The following C10orf90 variants were observed in gnomAD, a reference collection of about 807,000 sequenced individuals.
The protein encoded by C10orf90 is (E2-independent) E3 ubiquitin-conjugating enzyme FATS.
A neutral mutation model predicts 62.5 loss-of-function variants in C10orf90; 56 were observed. That is an observed-to-expected ratio of 0.90 (90% CI 0.72 to 1.12). The LOEUF (loss-of-function observed/expected upper bound fraction) is 1.12. Among genes scored for constraint, C10orf90 ranks in the 50% most tolerant of loss-of-function variants. The probability of loss-of-function intolerance (pLI) is 0.00; values close to 1 mark genes in which losing one functional copy is unlikely to be tolerated. For missense variants in C10orf90, 970 were observed against 880.4 expected, an observed-to-expected ratio of 1.10 and a Z score of -1.29; for synonymous variants, 386 against 340.4, an observed-to-expected ratio of 1.13 and a Z score of -1.47.
intron 2 of C10orf90, among the ~76,000 whole-genome samples, chr10:126,575,445 G>C (rs1844589988): frequency 6.6e-6 from 1 of 151,694 alleles, no homozygotes; most frequent in Non-Finnish European, 1.5e-5. Flanking sequence ...CAAATGGAAA[G>C]ACACCCCATG....
intron 3 of C10orf90, among the ~76,000 whole-genome samples, chr10:126,505,745 G>A (rs1279615278): frequency 2.6e-5 from 4 of 152,082 alleles, no homozygotes; most frequent in Non-Finnish European, 4.4e-5. Context: ...ACCTGAGGTC[G>A]TGAGTTTGAG....
intron 2 of C10orf90, among the ~76,000 whole-genome samples, chr10:126,586,073 G>A (rs968035574): frequency 2.6e-5 from 4 of 152,186 alleles, no homozygotes; most frequent in Non-Finnish European, 5.9e-5. Context: ...AAGATAAATG[G>A]TAAATACAAA....
intron 7 of C10orf90, among the ~76,000 whole-genome samples, chr10:126,445,917 G>A (rs1858747279): frequency 6.6e-6 from 1 of 151,408 alleles, no homozygotes; most frequent in African/African-American, 2.4e-5. Flanking sequence ...TGTAACTGAA[G>A]TAACTTAGGA....
intron 1 of C10orf90, 130 bp from the exon 2 acceptor site, chr10:126,646,767 C>T (rs1846180899): frequency 4.0e-6 from 1 of 250,016 alleles, no homozygotes; most frequent in Admixed American, 5.3e-5. Flanking sequence ...GAAACAGATA[C>T]AGATTGTAAT....
At chr10:126,596,171 C>T (rs1845081887) in intron 2 of C10orf90, among the ~76,000 whole-genome samples, 4 of 148,772 alleles carry the variant, frequency 2.7e-5, no homozygotes, top group Admixed American at 2.7e-4. Context: ...GGCATGGTAG[C>T]ACACACCTGT....
chr10:126,490,866 G>A (rs562933935), intron 4 of C10orf90, among the ~76,000 whole-genome samples: 11 of 151,858 alleles, frequency 7.2e-5, no homozygotes, highest in Admixed American at 5.9e-4. Flanking sequence ...TAAAATAGAA[G>A]TCATCAAAAT....
chr10:126,514,555 G>A lies in C10orf90; in HGVS notation c.314-616C>T, dbSNP rs1241414496. Among the ~76,000 whole-genome samples, 3 of 152,182 alleles carry A rather than the reference G, an allele frequency of 2.0e-5. No individual in the cohort carries two copies. In the East Asian group the frequency reaches 5.8e-4, roughly 29 times the overall value. On this transcript the variant is annotated intron_variant, in intron 2 of 9. Coordinates refer to ENST00000488181, the MANE Select transcript of C10orf90 (RefSeq NM_001350921.2). ...GCAGTAGACCAAGAACTGGAGAACC[G>A]GGATTCTAGTGCTGGATGCCCCAAA... is the stretch of plus-strand genomic sequence containing the variant.
chr10:126,642,194 A>G (rs1241021555), intron 2 of C10orf90, among the ~76,000 whole-genome samples: 1 of 152,198 alleles, frequency 6.6e-6, no homozygotes, highest in Non-Finnish European at 1.5e-5. Flanking sequence ...CCAAAGATGA[A>G]TCGCTAATTG....
chr10:126,578,861 C>T (rs1437852020), intron 2 of C10orf90, among the ~76,000 whole-genome samples: 3 of 152,104 alleles, frequency 2.0e-5, no homozygotes, highest in Admixed American at 6.5e-5. Flanking sequence ...TCCATTGACA[C>T]AAAATGCAAA....
At chr10:126,429,692 C>T in intron 8 of C10orf90, 95 bp downstream of exon 8, 1 of 973,592 alleles carries the variant, frequency 1.0e-6, no homozygotes, top group Non-Finnish European at 1.6e-6. Flanking sequence ...AAACATGGAC[C>T]TAGAAGCAGT....
chr10:126,485,476 A>T (rs1861378469), intron 4 of C10orf90, among the ~76,000 whole-genome samples: 1 of 152,194 alleles, frequency 6.6e-6, no homozygotes, highest in East Asian at 1.9e-4. Flanking sequence ...AATGATGACG[A>T]TTAAACTCAT....
intron 2 of C10orf90, among the ~76,000 whole-genome samples, chr10:126,529,548 TG>T (rs139819756): frequency 0.024 from 3,627 of 152,260 alleles, 143 homozygotes; most frequent in African/African-American, 0.08. Flanking sequence ...AGCAACTCAA[TG>T]GAAAAATAAG....
intron 3 of C10orf90, among the ~76,000 whole-genome samples, chr10:126,509,267 G>A (rs1862950954): frequency 6.6e-6 from 1 of 152,194 alleles, no homozygotes; most frequent in African/African-American, 2.4e-5. Context: ...CACAGATACT[G>A]ACGAATGCCC....
intron 4 of C10orf90, among the ~76,000 whole-genome samples, chr10:126,490,020 TAA>T (rs1861652382): frequency 1.7e-5 from 1 of 57,480 alleles, no homozygotes; most frequent in South Asian, 7.7e-4. Flanking sequence ...ATATTATATA[TAA>T]TATATAATAT....
chr10:126,592,451 C>T (rs1845000340), intron 2 of C10orf90, among the ~76,000 whole-genome samples: 1 of 152,254 alleles, frequency 6.6e-6, no homozygotes, highest in South Asian at 2.1e-4. Flanking sequence ...TAAAGGATTC[C>T]CTATTTAATA....
intron 7 of C10orf90, among the ~76,000 whole-genome samples, chr10:126,432,761 G>C (rs1335747474): frequency 6.6e-6 from 1 of 152,192 alleles, no homozygotes; most frequent in African/African-American, 2.4e-5. Context: ...CAGCTGCCTG[G>C]GGATTTTGGC....
At chr10:126,664,329 C>A (rs1397831926) in intron 1 of C10orf90, among the ~76,000 whole-genome samples, 2 of 152,168 alleles carry the variant, frequency 1.3e-5, no homozygotes, top group Non-Finnish European at 1.5e-5. Context: ...CACCCAGGGG[C>A]CACTTCTTGG....
intron 2 of C10orf90, among the ~76,000 whole-genome samples, chr10:126,639,715 T>C (rs1000566012): frequency 6.6e-6 from 1 of 152,256 alleles, no homozygotes; most frequent in Non-Finnish European, 1.5e-5. Flanking sequence ...ATCTGGCTGA[T>C]GCATTTCTGT....
intron 7 of C10orf90, 80 bp downstream of exon 7, chr10:126,458,960 C>A: frequency 7.0e-7 from 1 of 1,438,124 alleles, no homozygotes. Context: ...TTGGAGCCAT[C>A]ACCCCTGAGT....
Sources: gnomAD v4.1 joint callset for allele counts (sites outside exome capture counted in the v4.1 genomes callset) on GRCh38, gnomAD v4.1.1 for gene constraint, MANE v1.5 for transcripts, NCBI Gene and HGNC (gene_info 2026-07-23, HGNC 2026-07-21) for gene names.